The following ACSF3 variants were observed in gnomAD, a reference collection of about 807,000 sequenced individuals.
ACSF3 encodes the protein malonate--CoA ligase ACSF3, mitochondrial.
Under a neutral mutation model 53.2 loss-of-function variants are expected in ACSF3, and 78 were observed. The observed-to-expected ratio is 1.47, with a 90% CI of 1.22 to 1.77. The LOEUF (loss-of-function observed/expected upper bound fraction) is 1.77, where lower values mean the gene tolerates loss of function less well. Among genes scored for constraint, ACSF3 ranks in the 40% most tolerant of loss-of-function variants. ACSF3 has a pLI of 0.00. For synonymous variants in ACSF3, 414 were observed against 333.1 expected (o/e 1.24, Z -2.65); for missense variants, 937 against 771.1 (o/e 1.22, Z -2.55).
In ACSF3 at chr16:89,114,764, G is replaced by T. The variant is rs1034982806; in HGVS notation, c.1126+277G>T. On this transcript the variant is annotated intron_variant, in intron 6 of 10. Coordinates refer to ENST00000614302, the MANE Select transcript of ACSF3 (RefSeq NM_001243279.3). ...GGGAGACAATGGGAAGAACAGCAAT[G>T]CCTGGAATGCAGGCGTCAGTGCATG... The T allele has an allele frequency of 1.1e-4, 56 of 514,280 alleles. 1 individual carries two copies. Among genetic ancestry groups the T allele is most frequent in the South Asian group, 4.7e-4 (24 of 51,550 alleles). The allele number at this position is 514,280 out of a possible 1,614,324, so 31.9% of individuals were successfully genotyped here.
rs539772441 is a variant in ACSF3 at position 89,141,157 on chromosome 16, G to A, written c.1367-4110G>A. The A allele has an allele frequency of 1.9e-5, 25 of 1,287,274 alleles. No homozygotes were observed. The Admixed American group carries it at 5.7e-4, about 30-fold the overall frequency. 79.7% of individuals were successfully genotyped at this position (1,287,274 alleles called of 1,614,324 possible). A position where few individuals can be genotyped will look rare whatever the true frequency, so the allele number is the denominator to read the frequency against. On this transcript the variant is annotated intron_variant, in intron 8 of 10. Transcript: ENST00000614302. ...CCCGCGGGGTGTCCGACCCGCTCTTGCTTGGCTGAGACTTTGTTTAAACCC... is the reference window on the plus strand; with the variant it reads ...CCCGCGGGGTGTCCGACCCGCTCTTACTTGGCTGAGACTTTGTTTAAACCC...
Position 89,154,946 on chromosome 16 carries a change from G to A in ACSF3, c.*739G>A, listed in dbSNP as rs1193193755. The A allele has an allele frequency of 2.2e-6, 1 of 453,878 alleles. No homozygotes were observed. The highest frequency in any genetic ancestry group is 2.3e-5 in the Admixed American group (1 of 42,558). The allele number at this position is 453,878 out of a possible 1,614,324, so 28.1% of individuals were successfully genotyped here. A position where few individuals can be genotyped will look rare whatever the true frequency, so the allele number is the denominator to read the frequency against. ...TCTCCACACCAGCCCCTCAGCCGGT[G>A]AACCCTCTCTCCCATCACCGTCTCC... On this transcript the variant is annotated 3_prime_UTR_variant, in exon 11 of 11. Coordinates refer to ENST00000614302, the MANE Select transcript of ACSF3 (RefSeq NM_001243279.3).
rs1975517203 is a variant in ACSF3 at position 89,102,828 on chromosome 16, T to C, written c.822+69T>C. 5.7e-6 allele frequency: 9 copies of C among 1,584,932 alleles called. No homozygotes were observed. In the South Asian group the frequency reaches 9.0e-5, roughly 16 times the overall value. On this transcript the variant is annotated intron_variant, in intron 4 of 10. Coordinates refer to ENST00000614302, the MANE Select transcript of ACSF3 (RefSeq NM_001243279.3). The stretch of plus-strand genomic sequence containing the variant: ...GCCTTTCCCCTGTCGGGGCCAGGGC[T>C]CTCAGCCGCGCCCTCAGCCTAAGCG...
chr16:89,108,669 C>G (rs1976314783), intron 4 of ACSF3, among the ~76,000 whole-genome samples: 1 of 152,172 alleles, frequency 6.6e-6, no homozygotes, highest in South Asian at 2.1e-4. Flanking sequence ...GCTTCTTTCA[C>G]TTGCAGGATG....
chr16:89,102,558 G>C, intron 3 of ACSF3, 46 bp from the exon 4 acceptor site: 1 of 1,609,800 alleles, frequency 6.2e-7, no homozygotes, highest in Non-Finnish European at 8.5e-7. Flanking sequence ...GCTGTTGCGG[G>C]CCACAGTCTT....
intron 6 of ACSF3, chr16:89,114,817 G>T: frequency 2.5e-6 from 1 of 397,186 alleles, no homozygotes; most frequent in Non-Finnish European, 4.8e-6. Context: ...GGGCCATGCT[G>T]TTGGCTCCAG....
At chr16:89,136,412 A>C (rs1910475928) in intron 8 of ACSF3, 1 of 870,372 alleles carries the variant, frequency 1.1e-6, no homozygotes. Context: ...TGGAAGCCGC[A>C]TGTCTTTGTC....
At chr16:89,114,712 C>T in intron 6 of ACSF3, 1 of 647,482 alleles carries the variant, frequency 1.5e-6, no homozygotes. Context: ...GGGGAGGTGT[C>T]TGTGCTGGCC....
chr16:89,096,604 A>G (rs1424518263), intron 1 of ACSF3, among the ~76,000 whole-genome samples: 1 of 152,206 alleles, frequency 6.6e-6, no homozygotes, highest in Non-Finnish European at 1.5e-5. Flanking sequence ...GGGAGAATAA[A>G]TCAGCACCTC....
rs1248194210 is a variant in ACSF3, at chr16:89,155,289, G to C, written c.*1082G>C. 1 of 454,112 alleles carries C rather than the reference G, an allele frequency of 2.2e-6. No homozygotes were observed. The allele number at this position is 454,112 out of a possible 1,614,324, so 28.1% of individuals were successfully genotyped here. On this transcript the variant is annotated 3_prime_UTR_variant, in exon 11 of 11. Coordinates refer to ENST00000614302, the MANE Select transcript of ACSF3 (RefSeq NM_001243279.3). ...ACCCAGAACATTCTGCCCCCGGAAT[G>C]CACGTCTGAAAGAGTGGCCAGAAAC...
chr16:89,136,819 G>C, intron 8 of ACSF3: 1 of 1,286,372 alleles, frequency 7.8e-7, no homozygotes, highest in Non-Finnish European at 1.0e-6. Flanking sequence ...GATGGCAAAG[G>C]TCTGTTTCAG....
rs764919377 is a variant in ACSF3, at chr16:89,102,697, C to A, written c.760C>A (p.Leu254Met). The A allele has an allele frequency of 6.2e-7, 1 of 1,613,564 alleles. No individual in the cohort carries two copies. Among genetic ancestry groups the A allele is most frequent in the East Asian group, 2.2e-5 (1 of 44,886 alleles). ...LHHVHGVVNA[L>M]LCPLWVGATC... ...CCACGTCCATGGTGTGGTCAACGCG[C>A]TGCTCTGTCCTCTCTGGGTGGGAGC... is the stretch of plus-strand genomic sequence containing the variant. The change falls in exon 4 of 11, where the codon CTG (leucine) becomes ATG (methionine). Residue 254 changes from leucine to methionine, a missense_variant. By Grantham distance (15) the Leu-to-Met change is conservative. Transcript: ENST00000614302.
Position 89,154,605 on chromosome 16 carries a change from G to A in ACSF3, c.*398G>A, listed in dbSNP as rs919210983. On this transcript the variant is annotated 3_prime_UTR_variant, in exon 11 of 11. Transcript: ENST00000614302. The stretch of plus-strand genomic sequence containing the variant: ...AGGAAACAAGCCCCTGTCCCACGCC[G>A]TCTGCACGTGCCTGTGCCTCACCCA... The A allele has an allele frequency of 4.8e-5, 22 of 456,002 alleles. No individual in the cohort carries two copies. The highest frequency in any genetic ancestry group is 3.4e-4 in the African/African-American group (17 of 50,060). The allele number at this position is 456,002 out of a possible 1,614,324, so 28.2% of individuals were successfully genotyped here. A position where few individuals can be genotyped will look rare whatever the true frequency, so the allele number is the denominator to read the frequency against.
chr16:89,106,320 T>G (rs1975980264), intron 4 of ACSF3, among the ~76,000 whole-genome samples: 1 of 149,020 alleles, frequency 6.7e-6, no homozygotes, highest in Admixed American at 6.7e-5. Flanking sequence ...TGAGATGGAG[T>G]CTCGCACTGT....
At position 89,155,620 on chromosome 16, in the gene ACSF3, G is replaced by A. The variant is rs116985242; in HGVS notation, c.*1413G>A. 0.06 allele frequency: 27,408 copies of A among 453,922 alleles called. 1,008 individuals are homozygous for A. The highest frequency in any genetic ancestry group is 0.083 in the Non-Finnish European group (18,748 of 226,682). 28.1% of individuals were successfully genotyped at this position (453,922 alleles called of 1,614,324 possible). A position where few individuals can be genotyped will look rare whatever the true frequency, so the allele number is the denominator to read the frequency against. ...TCAGAGGAAGGGGTCCCGCCCTCCC[G>A]CCAGAGGCCTGGACCCAAGGGAACG... On this transcript the variant is annotated 3_prime_UTR_variant, in exon 11 of 11. Transcript: ENST00000614302.
In ACSF3 at chr16:89,145,966, G is replaced by C; in HGVS notation, c.1530G>C (p.Met510Ile). Residue 510 changes from methionine (M) to isoleucine (I), a missense_variant, in exon 10 of 11, where the codon ATG becomes ATC. Met to Ile is a conservative substitution (Grantham distance 10). Coordinates refer to ENST00000614302, the MANE Select transcript of ACSF3 (RefSeq NM_001243279.3). Reference protein sequence around the residue: ...TDVAVIGVPDMTWGQRVTAVV... With the variant: ...TDVAVIGVPDITWGQRVTAVV... ...TGGCTGTGATTGGAGTTCCGGATATGACATGGGGCCAGCGGGTCACTGCTG... is the reference window on the plus strand; with the variant it reads ...TGGCTGTGATTGGAGTTCCGGATATCACATGGGGCCAGCGGGTCACTGCTG... 1 of 1,604,126 alleles carries C rather than the reference G, an allele frequency of 6.2e-7. No homozygotes were observed. Among genetic ancestry groups the C allele is most frequent in the Non-Finnish European group, 8.5e-7 (1 of 1,174,040 alleles).
intron 4 of ACSF3, among the ~76,000 whole-genome samples, chr16:89,108,484 C>G (rs780152500): frequency 6.6e-6 from 1 of 152,306 alleles, no homozygotes; most frequent in East Asian, 1.9e-4. Context: ...GTTCACACAC[C>G]GCAAAATTCA....
At chr16:89,098,242 C>A (rs954725072) in intron 1 of ACSF3, among the ~76,000 whole-genome samples, 1 of 152,186 alleles carries the variant, frequency 6.6e-6, no homozygotes, top group African/African-American at 2.4e-5. Flanking sequence ...AGTGTTGTGA[C>A]GGTTTCAAAC....
At chr16:89,095,815 G>A (rs1189565742) in intron 1 of ACSF3, among the ~76,000 whole-genome samples, 1 of 152,246 alleles carries the variant, frequency 6.6e-6, no homozygotes, top group Non-Finnish European at 1.5e-5. Context: ...AGCCTGTGAG[G>A]CAGGTCTTGT....
Sources: allele counts gnomAD v4.1 joint callset (sites outside exome capture counted in the v4.1 genomes callset), GRCh38; gene constraint gnomAD v4.1.1; transcripts MANE v1.5; gene names NCBI Gene and HGNC (gene_info 2026-07-23, HGNC 2026-07-21).